The following STARD4 variants were observed in gnomAD, a reference collection of about 807,000 sequenced individuals.
STARD4 encodes the protein StAR related lipid transfer domain containing 4.
STARD4 carries 33 observed loss-of-function variants against 24.9 expected under a neutral mutation model. The observed-to-expected ratio is 1.32, with a 90% CI of 1.00 to 1.77. The LOEUF (loss-of-function observed/expected upper bound fraction) is 1.77, where lower values mean the gene tolerates loss of function less well. Ranked by LOEUF, STARD4 falls within the 40% of genes most tolerant of loss-of-function variation. The probability of loss-of-function intolerance (pLI) is 0.00; values close to 1 mark genes in which losing one functional copy is unlikely to be tolerated. For synonymous variants in STARD4, 88 were observed against 77.4 expected (o/e 1.14, Z -0.72); for missense variants, 238 against 249.3 (o/e 0.95, Z 0.31).
At chr5:111,504,700 ATTCTT>A (rs1756720683) in intron 3 of STARD4, among the ~76,000 whole-genome samples, 1 of 152,158 alleles carries the variant, frequency 6.6e-6, no homozygotes, top group Non-Finnish European at 1.5e-5. Flanking sequence ...CTCATCTTGT[ATTCTT>A]TAACTTGGGG....
intron 1 of STARD4, among the ~76,000 whole-genome samples, chr5:111,508,345 A>G (rs1268596132): frequency 6.6e-6 from 1 of 152,054 alleles, no homozygotes; most frequent in Non-Finnish European, 1.5e-5. Flanking sequence ...CCTGGCACAT[A>G]GTAGGCCCTT....
rs1561535103 is a variant in STARD4, at chr5:111,501,053, AT to A, written c.345del (p.Glu115AspfsTer20). The A allele has an allele frequency of 3.7e-6, 6 of 1,613,096 alleles. No homozygotes were observed. In the South Asian group the frequency reaches 6.6e-5, roughly 18 times the overall value. On this transcript the variant is annotated frameshift_variant, in exon 5 of 6. Coordinates refer to ENST00000296632, the MANE Select transcript of STARD4 (RefSeq NM_139164.3). LOFTEE classifies it high-confidence loss of function. Reference sequence around the variant, plus strand: ...CCCACAGTATAGGAGAAATCAACAAATTCTCTTGGGGAAATTATATTCCAAA... The same window carrying A: ...CCCACAGTATAGGAGAAATCAACAAATCTCTTGGGGAAATTATATTCCAAA... ...GQLWNIISPR[E>X]FVDFSYTVGY... is the part of the protein sequence containing the mutation.
rs1366123773 is a variant in STARD4, at chr5:111,499,860, C to T, written c.*26G>A. ...TAGCTGAGAGAGTTGATCTGTAGTA[C>T]TACAAGTTTGAATGTATTTTGCCTC... On this transcript the variant is annotated 3_prime_UTR_variant, in exon 6 of 6. Coordinates refer to ENST00000296632, the MANE Select transcript of STARD4 (RefSeq NM_139164.3). The T allele has an allele frequency of 1.3e-6, 2 of 1,598,442 alleles. No individual in the cohort carries two copies. The highest frequency in any genetic ancestry group is 1.3e-5 in the African/African-American group (1 of 74,596).
intron 3 of STARD4, among the ~76,000 whole-genome samples, chr5:111,504,658 T>G (rs966165045): frequency 2.0e-5 from 3 of 152,146 alleles, no homozygotes; most frequent in African/African-American, 7.2e-5. Flanking sequence ...CAAGCCAAAC[T>G]TATATTATCT....
chr5:111,502,508 G>A (rs112952618), intron 3 of STARD4, among the ~76,000 whole-genome samples: 146 of 149,286 alleles, frequency 9.8e-4, no homozygotes, highest in African/African-American at 3.4e-3. Flanking sequence ...ATTAGTGAAG[G>A]GTGGGCCAGG....
At chr5:111,503,529 T>C (rs1756625458) in intron 3 of STARD4, among the ~76,000 whole-genome samples, 1 of 152,128 alleles carries the variant, frequency 6.6e-6, no homozygotes, top group African/African-American at 2.4e-5. Flanking sequence ...CTTCGGAGGC[T>C]GAGGCAGGAG....
In STARD4 at chr5:111,502,010, A is replaced by G; in HGVS notation, c.234T>C (p.Asp78=). The G allele has an allele frequency of 6.2e-7, 1 of 1,614,158 alleles. No homozygotes were observed. Among genetic ancestry groups the G allele is most frequent in the South Asian group, 1.1e-5 (1 of 91,076 alleles). The change falls in exon 4 of 6, where the codon GAT becomes GAC. Residue 78 remains aspartate (D), a synonymous_variant. Transcript: ENST00000296632. ...DHIRPGPCRL[D]WDSLMTSLDI... is the part of the protein sequence containing the mutation. ...CCAAAGAAGTCATCAAGCTGTCCCA[A>G]TCCAAACGACAAGGCCCTGGGCGTA...
chr5:111,499,134 G>A lies in STARD4; in HGVS notation c.*752C>T, dbSNP rs867120180. On this transcript the variant is annotated 3_prime_UTR_variant, in exon 6 of 6. Transcript: ENST00000296632. ...TATACAAAGATTTGCCTGGATACCT[G>A]AATTGCCTCAAGTTCCCATTTTAGA... is the stretch of plus-strand genomic sequence containing the variant. The A allele has an allele frequency of 6.6e-5, 10 of 152,156 alleles. No homozygotes were observed. The highest frequency in any genetic ancestry group is 7.3e-5 in the Non-Finnish European group (5 of 68,034). The allele number at this position is 152,156 out of a possible 1,614,324, so 9.4% of individuals were successfully genotyped here.
intron 4 of STARD4, among the ~76,000 whole-genome samples, 172 bp from the exon 5 acceptor site, chr5:111,501,288 T>A (rs957289081): frequency 1.3e-5 from 2 of 152,232 alleles, no homozygotes; most frequent in African/African-American, 4.8e-5. Context: ...ATCTCACTGC[T>A]ATTGGATGGC....
chr5:111,501,146 C>T, intron 4 of STARD4, 30 bp from the exon 5 acceptor site: 1 of 1,563,986 alleles, frequency 6.4e-7, no homozygotes, highest in Non-Finnish European at 8.6e-7. Flanking sequence ...ACAAGTGTTA[C>T]TACTATAGGA....
At chr5:111,504,042 A>T (rs1191226640) in intron 3 of STARD4, among the ~76,000 whole-genome samples, 1 of 152,208 alleles carries the variant, frequency 6.6e-6, no homozygotes, top group Non-Finnish European at 1.5e-5. Context: ...AATCTGATTA[A>T]TACCTCTCAG....
At position 111,507,020 on chromosome 5, in the gene STARD4, A is replaced by C. The variant is rs1397001861; in HGVS notation, c.105+309T>G. On this transcript the variant is annotated intron_variant, in intron 2 of 5. Transcript: ENST00000296632. The surrounding 1 kb of genome is among the most constrained non-coding windows in gnomAD (Gnocchi z 4.4). The stretch of plus-strand genomic sequence containing the variant: ...ACTATTCCAAACTCTCAAGTACTAC[A>C]CTTTCTTAAATTAATAATGATACAT... 6.6e-6 allele frequency among the ~76,000 whole-genome samples: 1 copy of C among 152,164 alleles called. No individual in the cohort carries two copies. The highest frequency in any genetic ancestry group is 1.5e-5 in the Non-Finnish European group (1 of 68,006).
rs1196367935 is a variant in STARD4, at chr5:111,507,799, A to G, written c.-9-357T>C. Among the ~76,000 whole-genome samples the G allele has an allele frequency of 6.6e-6, 1 of 152,118 alleles. No homozygotes were observed. The highest frequency in any genetic ancestry group is 2.4e-5 in the African/African-American group (1 of 41,432). On this transcript the variant is annotated intron_variant, in intron 1 of 5. Transcript: ENST00000296632. This position sits in a 1 kb window ranked among gnomAD's most constrained non-coding sequence, Gnocchi z 4.4. The stretch of plus-strand genomic sequence containing the variant: ...ACCTCCAGTCCTCTTTGTTTCAATG[A>G]GCTCAAAAATCCCAGATCCAGAAGC...
rs1029949696 is a variant in STARD4, at chr5:111,500,304, TG to T, written c.398-199del. 2.2e-5 allele frequency: 29 copies of T among 1,320,996 alleles called. No homozygotes were observed. In the Middle Eastern group the frequency reaches 2.6e-3, roughly 117 times the overall value. The allele number at this position is 1,320,996 out of a possible 1,614,324, so 81.8% of individuals were successfully genotyped here. A position where few individuals can be genotyped will look rare whatever the true frequency, so the allele number is the denominator to read the frequency against. Reference sequence around the variant, plus strand: ...TGACAAGAGGTTGGCAGATAGGTAATGGGGAAACTTTTAATCCTTTCAGAAT... The same window carrying T: ...TGACAAGAGGTTGGCAGATAGGTAATGGGAAACTTTTAATCCTTTCAGAAT... On this transcript the variant is annotated intron_variant, in intron 5 of 5. Coordinates refer to ENST00000296632, the MANE Select transcript of STARD4 (RefSeq NM_139164.3).
chr5:111,506,866 T>C (rs900038020), intron 2 of STARD4, among the ~76,000 whole-genome samples: 5 of 152,220 alleles, frequency 3.3e-5, no homozygotes, highest in Non-Finnish European at 7.4e-5. Context: ...AGCACTTAAC[T>C]AGAAGTGTCC....
rs1756927337 is a variant in STARD4, at chr5:111,507,243, A to G, written c.105+86T>C. ...TCCATCCAAAGTATGGTCTTTGTCCATATTGTTCCATTTAATTTTAAAAGT... is the reference window on the plus strand; with the variant it reads ...TCCATCCAAAGTATGGTCTTTGTCCGTATTGTTCCATTTAATTTTAAAAGT... On this transcript the variant is annotated intron_variant, in intron 2 of 5. Transcript: ENST00000296632. The surrounding 1 kb of genome is among the most constrained non-coding windows in gnomAD (Gnocchi z 4.4). 9.1e-7 allele frequency: 1 copy of G among 1,098,850 alleles called. No homozygotes were observed. Among genetic ancestry groups the G allele is most frequent in the Non-Finnish European group, 1.3e-6 (1 of 749,058 alleles). The allele number at this position is 1,098,850 out of a possible 1,614,324, so 68.1% of individuals were successfully genotyped here.
chr5:111,500,913 T>C (rs1373174541), intron 5 of STARD4, 89 bp downstream of exon 5: 3 of 1,607,834 alleles, frequency 1.9e-6, no homozygotes, highest in Non-Finnish European at 2.5e-6. Flanking sequence ...GAGTTGAAAA[T>C]ATATCTCACA....
In STARD4 at chr5:111,498,085, C is replaced by T. The variant is rs1756195835; in HGVS notation, c.*1801G>A. On this transcript the variant is annotated 3_prime_UTR_variant, in exon 6 of 6. Transcript: ENST00000296632. ...ATTACATAATATGTAAATTATATATCAATAAAGCTGTTTTTGTTTTTTTAA... is the reference window on the plus strand; with the variant it reads ...ATTACATAATATGTAAATTATATATTAATAAAGCTGTTTTTGTTTTTTTAA... The T allele has an allele frequency of 1.3e-5, 2 of 151,854 alleles. No homozygotes were observed. Among genetic ancestry groups the T allele is most frequent in the South Asian group, 4.2e-4 (2 of 4,810 alleles). 9.4% of individuals were successfully genotyped at this position (151,854 alleles called of 1,614,324 possible). A position where few individuals can be genotyped will look rare whatever the true frequency, so the allele number is the denominator to read the frequency against.
rs749369871 is a variant in STARD4 at position 111,506,313 on chromosome 5, TATAAAAAGTTAC to T, written c.155+5_155+16del. Reference sequence around the variant, plus strand: ...AAATGTCTTAAGAGCTGTGTAAGTCTATAAAAAGTTACTTACAGATATCCATTAAATTCTTCT... The same window carrying T: ...AAATGTCTTAAGAGCTGTGTAAGTCTTTACAGATATCCATTAAATTCTTCT... On this transcript the variant is annotated splice_donor_5th_base_variant and intron_variant, in intron 3 of 5. Coordinates refer to ENST00000296632, the MANE Select transcript of STARD4 (RefSeq NM_139164.3). 166 of 1,430,298 alleles carry T rather than the reference TATAAAAAGTTAC, an allele frequency of 1.2e-4. No individual in the cohort carries two copies. Among genetic ancestry groups the T allele is most frequent in the Non-Finnish European group, 1.3e-4 (130 of 1,035,128 alleles). The allele number at this position is 1,430,298 out of a possible 1,614,324, so 88.6% of individuals were successfully genotyped here.
Sources: gnomAD v4.1 joint callset for allele counts (sites outside exome capture counted in the v4.1 genomes callset) on GRCh38, gnomAD v4.1.1 for gene constraint, Gnocchi (gnomAD v3.1) non-coding constraint, MANE v1.5 for transcripts, NCBI Gene and HGNC (gene_info 2026-07-23, HGNC 2026-07-21) for gene names.